B3GALT1: variants seen among roughly 807,000 people sequenced by gnomAD.
B3GALT1 encodes the protein beta-1,3-galactosyltransferase 1.
B3GALT1 carries 10 observed loss-of-function variants against 23.2 expected under a neutral mutation model. The observed-to-expected ratio is 0.43, with a 90% confidence interval of 0.27 to 0.73. The LOEUF (loss-of-function observed/expected upper bound fraction) is 0.73. B3GALT1 is among the 30% of genes least tolerant of loss of function. The pLI is 0.21. For missense variants in B3GALT1, 299 were observed against 405.4 expected (o/e 0.74, Z 2.25); for synonymous variants, 156 against 141.5 (o/e 1.10, Z -0.73).
chr2:167,530,823 T>C (rs571018251), intron 2 of B3GALT1, among the ~76,000 whole-genome samples: 1 of 152,326 alleles, frequency 6.6e-6, no homozygotes, highest in South Asian at 2.1e-4. Flanking sequence ...TCAGATTTAA[T>C]CACACCAGTT....
intron 1 of B3GALT1, among the ~76,000 whole-genome samples, chr2:167,358,311 G>C (rs1315392438): frequency 6.6e-6 from 1 of 152,186 alleles, no homozygotes; most frequent in East Asian, 1.9e-4. Flanking sequence ...AGGCTTCTGG[G>C]TGATTTCAGT....
chr2:167,797,652 C>CTTTTTTTTTTTTTTT, intron 3 of B3GALT1, among the ~76,000 whole-genome samples: 1 of 152,240 alleles, frequency 6.6e-6, no homozygotes, highest in African/African-American at 2.4e-5. Context: ...TGTTTCTTGA[C>CTTTTTTTTTTTTTTT]TTTTAATAGT....
intron 1 of B3GALT1, among the ~76,000 whole-genome samples, chr2:167,449,085 T>A (rs1264294055): frequency 6.6e-6 from 1 of 152,186 alleles, no homozygotes; most frequent in Admixed American, 6.5e-5. Flanking sequence ...TGAGGGCTAT[T>A]TTTTTGTTCC....
chr2:167,673,560 T>C (rs567707068), intron 3 of B3GALT1, among the ~76,000 whole-genome samples: 1 of 152,124 alleles, frequency 6.6e-6, no homozygotes, highest in Non-Finnish European at 1.5e-5. Context: ...AGGGATATAC[T>C]TGAATAAGAT....
intron 1 of B3GALT1, among the ~76,000 whole-genome samples, chr2:167,467,736 T>C (rs1450953691): frequency 1.3e-5 from 2 of 152,188 alleles, no homozygotes; most frequent in African/African-American, 4.8e-5. Context: ...TCAAGCAAAT[T>C]AATTCAACAC....
intron 3 of B3GALT1, among the ~76,000 whole-genome samples, chr2:167,694,594 AG>A (rs1227556538): frequency 2.6e-5 from 4 of 152,166 alleles, no homozygotes; most frequent in Non-Finnish European, 4.4e-5. Context: ...AAGAAAAAAA[AG>A]TTGGCTAGGC....
At chr2:167,320,530 AG>A (rs1418202243) in intron 1 of B3GALT1, among the ~76,000 whole-genome samples, 2 of 151,954 alleles carry the variant, frequency 1.3e-5, no homozygotes, top group Admixed American at 6.6e-5. Flanking sequence ...GTCTAAATCT[AG>A]GCTTCTAGAT....
rs188747226 is a variant in B3GALT1 at position 167,473,925 on chromosome 2, A to T, written c.-510-16252A>T. ...TAAATGTTCCACCCATTATTTTCAG[A>T]TCTGGGAGTGAACCATATGGGACAC... On this transcript the variant is annotated intron_variant, in intron 1 of 4. Coordinates refer to ENST00000392690, the MANE Select transcript of B3GALT1 (RefSeq NM_020981.4). 4.9e-4 allele frequency among the ~76,000 whole-genome samples: 74 copies of T among 152,318 alleles called. No individual in the cohort carries two copies. The South Asian group carries it at 0.015, about 31-fold the overall frequency.
intron 3 of B3GALT1, among the ~76,000 whole-genome samples, chr2:167,794,689 C>G (rs1038940091): frequency 1.3e-5 from 2 of 152,190 alleles, no homozygotes; most frequent in African/African-American, 4.8e-5. Flanking sequence ...GTTTTTCTAA[C>G]ATGCTATTTG....
chr2:167,516,942 C>CTG (rs924941967), intron 2 of B3GALT1, among the ~76,000 whole-genome samples: 2 of 105,116 alleles, frequency 1.9e-5, no homozygotes, highest in African/African-American at 5.7e-5. Context: ...ATAAGTACTT[C>CTG]TGTGTGTGTA....
chr2:167,657,693 A>G (rs1215333148), intron 3 of B3GALT1, among the ~76,000 whole-genome samples: 2 of 152,140 alleles, frequency 1.3e-5, no homozygotes, highest in African/African-American at 4.8e-5. Context: ...ATCAGTACCT[A>G]TCAATAGTGA....
intron 1 of B3GALT1, among the ~76,000 whole-genome samples, chr2:167,394,528 A>G (rs896299364): frequency 6.6e-6 from 1 of 151,904 alleles, no homozygotes; most frequent in African/African-American, 2.4e-5. Context: ...CAACCCTAAT[A>G]AAGGGTTGTT....
chr2:167,295,043 A>G (rs144873862), intron 1 of B3GALT1, among the ~76,000 whole-genome samples: 29 of 152,328 alleles, frequency 1.9e-4, no homozygotes, highest in African/African-American at 6.0e-4. Context: ...TTCATTGTAA[A>G]GATTCTATTT....
intron 2 of B3GALT1, among the ~76,000 whole-genome samples, chr2:167,517,980 C>T (rs916641696): frequency 9.9e-5 from 15 of 152,000 alleles, no homozygotes; most frequent in African/African-American, 3.1e-4. Context: ...TCCCAATATC[C>T]GTGAACTCTC....
At chr2:167,573,795 A>G (rs1003803581) in intron 2 of B3GALT1, among the ~76,000 whole-genome samples, 2 of 151,678 alleles carry the variant, frequency 1.3e-5, no homozygotes, top group African/African-American at 4.8e-5. Flanking sequence ...TGTGCTTAGC[A>G]TGACAATTGG....
At chr2:167,470,475 A>C (rs1053309360) in intron 1 of B3GALT1, among the ~76,000 whole-genome samples, 7 of 152,192 alleles carry the variant, frequency 4.6e-5, no homozygotes, top group African/African-American at 1.7e-4. Context: ...GAATACTGTA[A>C]AGAATTGGAT....
At chr2:167,508,906 T>G (rs1176121953) in intron 2 of B3GALT1, among the ~76,000 whole-genome samples, 1 of 152,228 alleles carries the variant, frequency 6.6e-6, no homozygotes, top group African/African-American at 2.4e-5. Flanking sequence ...AGATTGTCAT[T>G]AACATGTTTA....
intron 1 of B3GALT1, among the ~76,000 whole-genome samples, chr2:167,444,111 A>G (rs1036344562): frequency 1.9e-4 from 29 of 152,356 alleles, no homozygotes; most frequent in East Asian, 3.9e-4. Flanking sequence ...CCTTTTCTGC[A>G]TCTATTGAGA....
In B3GALT1 at chr2:167,669,070, CT is replaced by C. The variant is rs560103542; in HGVS notation, c.-352+22106del. Among the ~76,000 whole-genome samples the C allele has an allele frequency of 2.7e-3, 415 of 152,258 alleles. 2 individuals carry two copies. The highest frequency in any genetic ancestry group is 8.3e-3 in the African/African-American group (345 of 41,550). On this transcript the variant is annotated intron_variant, in intron 3 of 4. Transcript: ENST00000392690. ...CTACTGCCTTTCTCTTTATCTTTCT[CT>C]TATTTTTTCCGCAAAACATGTAGCT...
Sources: allele counts gnomAD v4.1 joint callset (sites outside exome capture counted in the v4.1 genomes callset), GRCh38; gene constraint gnomAD v4.1.1; transcripts MANE v1.5; gene names NCBI Gene and HGNC (gene_info 2026-07-23, HGNC 2026-07-21).